Variants in MACROD1 observed in about 807,000 individuals in gnomAD.
MACROD1 encodes the protein ADP-ribose glycohydrolase MACROD1.
A neutral mutation model predicts 41.4 loss-of-function variants in MACROD1; 31 were observed. The ratio of observed to expected loss-of-function variants is 0.75; its 90% CI spans 0.56 to 1.01. MACROD1 has a LOEUF of 1.01. Among genes scored for constraint, MACROD1 ranks in the 50% least tolerant of loss-of-function variants. The probability of loss-of-function intolerance (pLI) is 0.00; values close to 1 mark genes in which losing one functional copy is unlikely to be tolerated. For missense variants in MACROD1, 473 were observed against 460.0 expected, an observed-to-expected ratio of 1.03 and a Z score of -0.26; for synonymous variants, 252 against 203.4, an observed-to-expected ratio of 1.24 and a Z score of -2.03.
chr11:64,032,008 C>T (rs1336665142), intron 3 of MACROD1, among the ~76,000 whole-genome samples: 1 of 152,226 alleles, frequency 6.6e-6, no homozygotes, highest in Admixed American at 6.5e-5. Flanking sequence ...TGCAATTTGT[C>T]CTTGCCTTGG....
chr11:64,125,348 C>T (rs572897781), intron 3 of MACROD1, among the ~76,000 whole-genome samples: 1 of 152,344 alleles, frequency 6.6e-6, no homozygotes, highest in African/African-American at 2.4e-5. Context: ...TAAATCTCAT[C>T]AAGGTAGATA....
At chr11:64,078,226 G>A (rs375872726) in intron 3 of MACROD1, among the ~76,000 whole-genome samples, 18 of 152,242 alleles carry the variant, frequency 1.2e-4, no homozygotes, top group Admixed American at 5.9e-4. Context: ...CCAGTAGGAC[G>A]TGCCCTCCAG....
chr11:64,104,277 C>T (rs1944720310), intron 3 of MACROD1: 1 of 152,316 alleles, frequency 6.6e-6, no homozygotes, highest in Non-Finnish European at 1.5e-5. Context: ...GTTGCACCCT[C>T]CAAAGGCCCC....
At chr11:64,094,030 C>T (rs971250777) in intron 3 of MACROD1, among the ~76,000 whole-genome samples, 8 of 152,236 alleles carry the variant, frequency 5.3e-5, no homozygotes, top group African/African-American at 1.9e-4. Flanking sequence ...GGCGCAGTGG[C>T]TTATGCCTGT....
chr11:64,136,304 C>T (rs1180783537), intron 3 of MACROD1, among the ~76,000 whole-genome samples: 2 of 152,224 alleles, frequency 1.3e-5, no homozygotes, highest in African/African-American at 2.4e-5. Context: ...TCCCAGGATA[C>T]ATAGGGAAAA....
chr11:64,097,873 C>T (rs556884568), intron 3 of MACROD1, among the ~76,000 whole-genome samples: 4 of 152,278 alleles, frequency 2.6e-5, no homozygotes, highest in South Asian at 4.2e-4. Context: ...CATAGCAAGC[C>T]GGCTGTCCAT....
intron 3 of MACROD1, among the ~76,000 whole-genome samples, chr11:64,035,353 C>T (rs1055966722): frequency 4.6e-5 from 7 of 151,950 alleles, no homozygotes; most frequent in African/African-American, 1.7e-4. Flanking sequence ...GCAGAGTAGG[C>T]GGTGGGTACC....
intron 3 of MACROD1, among the ~76,000 whole-genome samples, chr11:64,083,233 C>T (rs908098249): frequency 2.6e-5 from 4 of 152,104 alleles, no homozygotes; most frequent in Non-Finnish European, 2.9e-5. Context: ...CTCAGGAGTT[C>T]GAGACCAGCC....
intron 3 of MACROD1, among the ~76,000 whole-genome samples, chr11:64,016,684 T>C (rs1297608828): frequency 2.0e-5 from 3 of 152,212 alleles, no homozygotes; most frequent in African/African-American, 7.2e-5. Flanking sequence ...CAAGTTGCCA[T>C]GTTACTTGCG....
rs561798626 is a variant in MACROD1, at chr11:63,998,700, C to A, written c.*31-13G>T. 121 of 1,377,234 alleles carry A rather than the reference C, an allele frequency of 8.8e-5. No individual in the cohort carries two copies. In the African/African-American group the frequency reaches 1.6e-3, roughly 19 times the overall value. The allele number at this position is 1,377,234 out of a possible 1,614,324, so 85.3% of individuals were successfully genotyped here. A position where few individuals can be genotyped will look rare whatever the true frequency, so the allele number is the denominator to read the frequency against. On this transcript the variant is annotated splice_polypyrimidine_tract_variant and intron_variant, in intron 10 of 10. Coordinates refer to ENST00000255681, the MANE Select transcript of MACROD1 (RefSeq NM_014067.4). The stretch of plus-strand genomic sequence containing the variant: ...CCCGAAGGCGGGTCTGAGGGCAGAG[C>A]AGAGTCAGAGGTGTCTATGGGCGTC...
chr11:64,095,438 G>A (rs1239839636), intron 3 of MACROD1, among the ~76,000 whole-genome samples: 1 of 152,218 alleles, frequency 6.6e-6, no homozygotes, highest in East Asian at 1.9e-4. Context: ...GGGAAAGGGT[G>A]GGAGATTTCC....
rs765311447 is a variant in MACROD1 at position 64,116,980 on chromosome 11, G to A, written c.517+34259C>T. On this transcript the variant is annotated intron_variant, in intron 3 of 10. Coordinates refer to ENST00000255681, the MANE Select transcript of MACROD1 (RefSeq NM_014067.4). Reference sequence around the variant, plus strand: ...GACGGTAACCTGCTGGCCAACCAGCGCATCGCCGACGACACCTTCAGCCGC... The same window carrying A: ...GACGGTAACCTGCTGGCCAACCAGCACATCGCCGACGACACCTTCAGCCGC... 4 of 1,611,890 alleles carry A rather than the reference G, an allele frequency of 2.5e-6. No individual in the cohort carries two copies. Among genetic ancestry groups the A allele is most frequent in the African/African-American group, 2.7e-5 (2 of 74,914 alleles).
chr11:64,000,366 T>C, intron 4 of MACROD1, 23 bp from the exon 5 acceptor site: 3 of 1,490,586 alleles, frequency 2.0e-6, no homozygotes, highest in Non-Finnish European at 2.7e-6. Flanking sequence ...CGGGCGCGAC[T>C]GAGCTGGCCT....
Position 64,082,232 on chromosome 11 carries a change from T to A in MACROD1, c.518-66951A>T, listed in dbSNP as rs765396834. Among the ~76,000 whole-genome samples, 1 of 152,056 alleles carries A rather than the reference T, an allele frequency of 6.6e-6. No homozygotes were observed. The highest frequency in any genetic ancestry group is 1.9e-4 in the East Asian group (1 of 5,168). Reference sequence around the variant, plus strand: ...TAAATATTGGTGCTCTCGGCAGCACTGGGCCCCTGCTTAGCAGAGGATGGC... The same window carrying A: ...TAAATATTGGTGCTCTCGGCAGCACAGGGCCCCTGCTTAGCAGAGGATGGC... On this transcript the variant is annotated intron_variant, in intron 3 of 10. Coordinates refer to ENST00000255681, the MANE Select transcript of MACROD1 (RefSeq NM_014067.4). This position sits in a 1 kb window ranked among gnomAD's most constrained non-coding sequence, Gnocchi z 4.5.
chr11:64,110,772 G>A (rs897924488), intron 3 of MACROD1, among the ~76,000 whole-genome samples: 4 of 152,170 alleles, frequency 2.6e-5, no homozygotes, highest in Non-Finnish European at 5.9e-5. Context: ...TAAAAGATGG[G>A]CGATTTACCA....
intron 3 of MACROD1, among the ~76,000 whole-genome samples, chr11:64,101,684 G>C (rs558478273): frequency 2.6e-5 from 4 of 152,308 alleles, no homozygotes; most frequent in East Asian, 1.9e-4. Context: ...GCTCGTGCTA[G>C]AGCCGGCCGC....
Position 64,146,567 on chromosome 11 carries a change from G to T in MACROD1, c.517+4672C>A, listed in dbSNP as rs1237890191. Among the ~76,000 whole-genome samples the T allele has an allele frequency of 6.6e-6, 1 of 152,122 alleles. No homozygotes were observed. The highest frequency in any genetic ancestry group is 1.5e-5 in the Non-Finnish European group (1 of 68,004). ...CCAGGGAGGCCTGCACTGTGCCTGA[G>T]GGTGTGGGGGTTTGTTCCGTCCCTG... On this transcript the variant is annotated intron_variant, in intron 3 of 10. Coordinates refer to ENST00000255681, the MANE Select transcript of MACROD1 (RefSeq NM_014067.4). This position sits in a 1 kb window ranked among gnomAD's most constrained non-coding sequence, Gnocchi z 4.7.
rs1389178355 is a variant in MACROD1 at position 64,106,865 on chromosome 11, G to A, written c.517+44374C>T. Among the ~76,000 whole-genome samples, 3 of 152,016 alleles carry A rather than the reference G, an allele frequency of 2.0e-5. No individual in the cohort carries two copies. The East Asian group carries it at 5.8e-4, about 29-fold the overall frequency. ...TCTCCTTCCCTCTGAAATTCCACTG[G>A]GCTTTCTTTTATTTATTTTATTTTA... On this transcript the variant is annotated intron_variant, in intron 3 of 10. Transcript: ENST00000255681.
At position 64,064,502 on chromosome 11, in the gene MACROD1, C is replaced by T. The variant is rs536162947; in HGVS notation, c.518-49221G>A. 2.6e-5 allele frequency among the ~76,000 whole-genome samples: 4 copies of T among 152,208 alleles called. No homozygotes were observed. Among genetic ancestry groups the T allele is most frequent in the South Asian group, 2.1e-4 (1 of 4,810 alleles). On this transcript the variant is annotated intron_variant, in intron 3 of 10. Transcript: ENST00000255681. This position sits in a 1 kb window ranked among gnomAD's most constrained non-coding sequence, Gnocchi z 4.5. ...GCCTCAGGCCTGCCCCGGATGGGCA[C>T]GCAGGCAGGGTGCATATGTACGTAT...
Sources: allele counts gnomAD v4.1 joint callset (sites outside exome capture counted in the v4.1 genomes callset), GRCh38; gene constraint gnomAD v4.1.1; non-coding constraint Gnocchi (gnomAD v3.1); transcripts MANE v1.5; gene names NCBI Gene and HGNC (gene_info 2026-07-23, HGNC 2026-07-21).